Variants in FTCDNL1 observed in about 807,000 individuals in gnomAD.
FTCDNL1 encodes the protein formiminotransferase N-terminal subdomain-containing protein.
A neutral mutation model predicts 5.9 loss-of-function variants in FTCDNL1; 11 were observed. The ratio of observed to expected loss-of-function variants is 1.87; its 90% CI spans 1.18 to 3.10. The LOEUF (loss-of-function observed/expected upper bound fraction) is 3.10, where lower values mean the gene tolerates loss of function less well. Ranked by LOEUF, FTCDNL1 falls within the 30% of genes most tolerant of loss-of-function variation. The probability of loss-of-function intolerance (pLI) is 0.00; values close to 1 mark genes in which losing one functional copy is unlikely to be tolerated. For missense variants in FTCDNL1, 115 were observed against 65.5 expected (o/e 1.76, Z -2.61); for synonymous variants, 58 against 24.8 (o/e 2.34, Z -3.99).
chr2:199,667,476 A>C, the FTCDNL1 span, among the ~76,000 whole-genome samples: 10 of 149,962 alleles, frequency 6.7e-5, no homozygotes, highest in African/African-American at 2.5e-4. Flanking sequence ...GTCTCTACAA[A>C]AAACAAACAA....
chr2:199,676,073 T>C, the FTCDNL1 span, among the ~76,000 whole-genome samples: 1 of 152,156 alleles, frequency 6.6e-6, no homozygotes, highest in Non-Finnish European at 1.5e-5. Flanking sequence ...TAAGGACACA[T>C]CTCAGAAGTT....
chr2:199,709,786 G>A, the FTCDNL1 span, among the ~76,000 whole-genome samples: 1 of 152,084 alleles, frequency 6.6e-6, no homozygotes, highest in Admixed American at 6.6e-5. Flanking sequence ...GATACCTGGA[G>A]AAGAATATAA....
chr2:199,688,040 A>G, the FTCDNL1 span, among the ~76,000 whole-genome samples: 1 of 152,048 alleles, frequency 6.6e-6, no homozygotes, highest in Non-Finnish European at 1.5e-5. Context: ...TGAGGCCAGA[A>G]GTTTGAGACC....
chr2:199,673,433 C>A, the FTCDNL1 span, among the ~76,000 whole-genome samples: 1 of 151,150 alleles, frequency 6.6e-6, no homozygotes, highest in Non-Finnish European at 1.5e-5. Context: ...CCTTCCAAAT[C>A]TTCTCAATAT....
At chr2:199,840,656 A>G (rs1231073316) in intron 3 of FTCDNL1, among the ~76,000 whole-genome samples, 3 of 152,208 alleles carry the variant, frequency 2.0e-5, no homozygotes, top group Admixed American at 2.0e-4. Flanking sequence ...GAAAGTACTC[A>G]GCTGGCTCTG....
the FTCDNL1 span, among the ~76,000 whole-genome samples, chr2:199,728,155 T>A: frequency 2.0e-5 from 3 of 152,164 alleles, no homozygotes; most frequent in African/African-American, 7.2e-5. Flanking sequence ...CCTTCCCCCA[T>A]GCTCTACTAT....
At chr2:199,744,834 A>G in the FTCDNL1 span, among the ~76,000 whole-genome samples, 1 of 152,252 alleles carries the variant, frequency 6.6e-6, no homozygotes, top group African/African-American at 2.4e-5. Context: ...TCGTAGGTGT[A>G]AAAGGCTGAT....
the FTCDNL1 span, among the ~76,000 whole-genome samples, chr2:199,696,996 A>G: frequency 6.6e-6 from 1 of 152,190 alleles, no homozygotes; most frequent in Non-Finnish European, 1.5e-5. Flanking sequence ...ATTCACTACA[A>G]GAATTTCATA....
At chr2:199,746,488 G>C in the FTCDNL1 span, among the ~76,000 whole-genome samples, 70 of 152,130 alleles carry the variant, frequency 4.6e-4, 1 homozygote, top group East Asian at 0.012. Context: ...GCTAGGCAGA[G>C]AGGTCCAAGC....
chr2:199,788,332 A>G lies in FTCDNL1; in HGVS notation c.212-27497T>C, dbSNP rs556916112. Among the ~76,000 whole-genome samples the G allele has an allele frequency of 9.2e-5, 14 of 152,250 alleles. No individual in the cohort carries two copies. In the East Asian group the frequency reaches 2.7e-3, roughly 29 times the overall value. On this transcript the variant is annotated intron_variant, in intron 3 of 3. Coordinates refer to the FTCDNL1 transcript ENST00000416668. ...TGAGAGAGGGAAGAAGAGAAATTCT[A>G]GGGGAATATTTTTTTAGTAGATATT...
At chr2:199,813,151 T>C (rs1481661167) in intron 4 of FTCDNL1, among the ~76,000 whole-genome samples, 1 of 152,210 alleles carries the variant, frequency 6.6e-6, no homozygotes. Context: ...GCTATTAATG[T>C]CTGGTTTAAA....
At chr2:199,825,079 A>C (rs973509820) in intron 3 of FTCDNL1, among the ~76,000 whole-genome samples, 5 of 151,620 alleles carry the variant, frequency 3.3e-5, no homozygotes, top group Admixed American at 6.6e-5. Context: ...CCAAGGCTGC[A>C]GTGAGCCATG....
At chr2:199,713,602 T>G in the FTCDNL1 span, among the ~76,000 whole-genome samples, 2 of 152,226 alleles carry the variant, frequency 1.3e-5, no homozygotes, top group Non-Finnish European at 2.9e-5. Context: ...TTATTTTTAA[T>G]CCATAAAACT....
the FTCDNL1 span, among the ~76,000 whole-genome samples, chr2:199,748,993 G>T: frequency 6.6e-6 from 1 of 152,174 alleles, no homozygotes; most frequent in African/African-American, 2.4e-5. Flanking sequence ...CCTTGCAGAA[G>T]TTGGACTCTC....
chr2:199,839,220 T>C (rs1302968734), intron 3 of FTCDNL1, among the ~76,000 whole-genome samples: 2 of 151,994 alleles, frequency 1.3e-5, no homozygotes, highest in African/African-American at 4.8e-5. Context: ...GGGGAGATTA[T>C]ACAGGAAGAA....
the FTCDNL1 span, among the ~76,000 whole-genome samples, chr2:199,732,160 T>C: frequency 6.6e-6 from 1 of 152,200 alleles, no homozygotes; most frequent in Non-Finnish European, 1.5e-5. Flanking sequence ...CAGCCTCCTT[T>C]TGGCCTTTTT....
Position 199,812,658 on chromosome 2 carries a change from TC to T in FTCDNL1, c.*46del. 1.4e-6 allele frequency: 1 copy of T among 691,556 alleles called. No individual in the cohort carries two copies. Among genetic ancestry groups the T allele is most frequent in the Non-Finnish European group, 2.6e-6 (1 of 380,508 alleles). 42.8% of individuals were successfully genotyped at this position (691,556 alleles called of 1,614,324 possible). ...TCAGCTGCTCTGGTGGCAGCACGGA[TC>T]CCCTCACTGCAAGGCTGAAATTCCA... On this transcript the variant is annotated 3_prime_UTR_variant, in exon 5 of 5. Coordinates refer to ENST00000420128, the MANE Select transcript of FTCDNL1 (RefSeq NM_001363886.2).
chr2:199,830,269 T>A (rs113521793), intron 3 of FTCDNL1, among the ~76,000 whole-genome samples: 1 of 152,170 alleles, frequency 6.6e-6, no homozygotes, highest in Non-Finnish European at 1.5e-5. Context: ...CCTAAACTCA[T>A]GCACATAAAC....
At chr2:199,762,749 T>C (rs1698330313) in intron 3 of FTCDNL1, among the ~76,000 whole-genome samples, 1 of 152,230 alleles carries the variant, frequency 6.6e-6, no homozygotes, top group African/African-American at 2.4e-5. Context: ...CTATGTCATA[T>C]ATATTATATC....
Sources: gnomAD v4.1 joint callset for allele counts (sites outside exome capture counted in the v4.1 genomes callset) on GRCh38, gnomAD v4.1.1 for gene constraint, MANE v1.5 for transcripts, NCBI Gene and HGNC (gene_info 2026-07-23, HGNC 2026-07-21) for gene names.